Variants in SBF2 observed in about 807,000 individuals in gnomAD.
SBF2 encodes the protein myotubularin-related protein 13.
Under a neutral mutation model 225.2 loss-of-function variants are expected in SBF2, and 112 were observed. The ratio of observed to expected loss-of-function variants is 0.50; its 90% CI spans 0.43 to 0.58. The LOEUF (loss-of-function observed/expected upper bound fraction) is 0.58, where lower values mean the gene tolerates loss of function less well. Among genes scored for constraint, SBF2 ranks in the 20% least tolerant of loss-of-function variants. The pLI is 0.00. For synonymous variants in SBF2, 763 were observed against 773.3 expected (o/e 0.99, Z 0.22); for missense variants, 1,996 against 2,206.2 (o/e 0.90, Z 1.91).
rs1353895376 is a variant in SBF2 at position 9,779,127 on chromosome 11, T to TTAATC, written c.*1286_*1290dup. 1.3e-5 allele frequency: 2 copies of TTAATC among 152,660 alleles called. No homozygotes were observed. Among genetic ancestry groups the TTAATC allele is most frequent in the Non-Finnish European group, 2.9e-5 (2 of 68,046 alleles). The allele number at this position is 152,660 out of a possible 1,614,324, so 9.5% of individuals were successfully genotyped here. A position where few individuals can be genotyped will look rare whatever the true frequency, so the allele number is the denominator to read the frequency against. On this transcript the variant is annotated 3_prime_UTR_variant, in exon 40 of 40. Coordinates refer to ENST00000256190, the MANE Select transcript of SBF2 (RefSeq NM_030962.4). The stretch of plus-strand genomic sequence containing the variant: ...TTAAATTTGAAATTCTGATTTATTT[T>TTAATC]TAATCTACAAAGTATTTTTATTTTT...
Position 10,043,516 on chromosome 11 carries a change from A to T in SBF2, c.142-535T>A, listed in dbSNP as rs562847238. On this transcript the variant is annotated intron_variant, in intron 2 of 39. Coordinates refer to ENST00000256190, the MANE Select transcript of SBF2 (RefSeq NM_030962.4). Reference sequence around the variant, plus strand: ...TGCTGTTAGACCATGACAGAATTAAACTAGAAATCAATAACAGGCAGATAG... The same window carrying T: ...TGCTGTTAGACCATGACAGAATTAATCTAGAAATCAATAACAGGCAGATAG... 3.3e-5 allele frequency among the ~76,000 whole-genome samples: 5 copies of T among 152,322 alleles called. No homozygotes were observed. The South Asian group carries it at 1.0e-3, about 32-fold the overall frequency.
intron 2 of SBF2, among the ~76,000 whole-genome samples, chr11:10,190,909 T>C (rs185868875): frequency 6.6e-6 from 1 of 152,298 alleles, no homozygotes; most frequent in Non-Finnish European, 1.5e-5. Flanking sequence ...CCTAGAAATC[T>C]CTCAGATCTT....
intron 16 of SBF2, among the ~76,000 whole-genome samples, chr11:9,917,145 T>G (rs1863167654): frequency 6.6e-6 from 1 of 151,836 alleles, no homozygotes; most frequent in Admixed American, 6.6e-5. Flanking sequence ...AAATATCTTG[T>G]GATAAATCCT....
At chr11:10,108,515 C>CTTTTTTTTTTTT (rs34189666) in intron 2 of SBF2, among the ~76,000 whole-genome samples, 1 of 83,462 alleles carries the variant, frequency 1.2e-5, no homozygotes, top group Non-Finnish European at 2.2e-5. Context: ...TAATAGTTAA[C>CTTTTTTTTTTTT]TTTTTTTTTT....
Position 9,998,394 on chromosome 11 carries a change from A to G in SBF2, c.862-15T>C, listed in dbSNP as rs760825772. On this transcript the variant is annotated splice_polypyrimidine_tract_variant and intron_variant, in intron 8 of 39. Coordinates refer to ENST00000256190, the MANE Select transcript of SBF2 (RefSeq NM_030962.4). ...ATTACATCTAACTGAAAGAGATAAA[A>G]AAATTAACCTATAATTACCAAAATA... 9 of 1,378,880 alleles carry G rather than the reference A, an allele frequency of 6.5e-6. No individual in the cohort carries two copies. The Admixed American group carries it at 1.6e-4, about 24-fold the overall frequency. 85.4% of individuals were successfully genotyped at this position (1,378,880 alleles called of 1,614,324 possible).
At chr11:10,214,286 C>A (rs185805189) in intron 1 of SBF2, among the ~76,000 whole-genome samples, 2 of 152,116 alleles carry the variant, frequency 1.3e-5, no homozygotes, top group African/African-American at 2.4e-5. Flanking sequence ...AGCAAAATCA[C>A]CCCAGGTTGA....
chr11:9,844,200 G>C (rs1590205043), intron 24 of SBF2, among the ~76,000 whole-genome samples: 1 of 152,288 alleles, frequency 6.6e-6, no homozygotes, highest in Middle Eastern at 3.4e-3. Flanking sequence ...CTAGGAACTT[G>C]CTCATGCTTC....
chr11:9,817,653 C>T (rs910686606), intron 28 of SBF2, among the ~76,000 whole-genome samples: 2 of 148,988 alleles, frequency 1.3e-5, no homozygotes, highest in African/African-American at 2.5e-5. Flanking sequence ...GCCTGTAATA[C>T]TAGCACTTTG....
At chr11:10,251,164 T>C (rs1384090252) in intron 1 of SBF2, among the ~76,000 whole-genome samples, 1 of 152,214 alleles carries the variant, frequency 6.6e-6, no homozygotes, top group Non-Finnish European at 1.5e-5. Context: ...GAAGGCCCGA[T>C]GTAGATGCGA....
At chr11:9,866,836 CA>C (rs1436877288) in intron 17 of SBF2, among the ~76,000 whole-genome samples, 2 of 152,042 alleles carry the variant, frequency 1.3e-5, no homozygotes, top group African/African-American at 4.8e-5. Flanking sequence ...TCCATCCATC[CA>C]ACAAGGGATT....
chr11:10,033,588 T>C (rs1417453196), intron 3 of SBF2, among the ~76,000 whole-genome samples: 1 of 152,104 alleles, frequency 6.6e-6, no homozygotes, highest in Admixed American at 6.5e-5. Context: ...ATCTCTCCTA[T>C]AAGAATGCAA....
At chr11:10,298,134 T>C (rs113054673), upstream of SBF2, among the ~76,000 whole-genome samples, 2 of 152,350 alleles carry the variant, frequency 1.3e-5, no homozygotes, top group African/African-American at 4.8e-5. Flanking sequence ...CTCACACCTG[T>C]AATCCCAGCA....
chr11:10,049,680 C>T (rs960039676), intron 2 of SBF2, among the ~76,000 whole-genome samples: 1 of 151,920 alleles, frequency 6.6e-6, no homozygotes, highest in Admixed American at 6.6e-5. Flanking sequence ...TTTTAGAATT[C>T]TCAATAATTT....
chr11:9,999,523 T>G (rs1247078307), intron 8 of SBF2, among the ~76,000 whole-genome samples: 1 of 152,114 alleles, frequency 6.6e-6, no homozygotes, highest in African/African-American at 2.4e-5. Flanking sequence ...GGTTTCTCCA[T>G]GTTGGCCAGG....
At chr11:10,040,381 G>A (rs1301108646) in intron 3 of SBF2, among the ~76,000 whole-genome samples, 10 of 151,984 alleles carry the variant, frequency 6.6e-5, no homozygotes, top group African/African-American at 2.4e-4. Flanking sequence ...CTAACAATGA[G>A]AGATACTGGA....
At chr11:10,106,310 A>G (rs1387772990) in intron 2 of SBF2, among the ~76,000 whole-genome samples, 1 of 152,148 alleles carries the variant, frequency 6.6e-6, no homozygotes. Context: ...GGGGTAAGGC[A>G]ATAATCCTTT....
intron 2 of SBF2, among the ~76,000 whole-genome samples, chr11:10,167,623 T>C (rs11607830): frequency 0.028 from 4,226 of 152,114 alleles, 79 homozygotes; most frequent in Middle Eastern, 0.078. Flanking sequence ...CTTGGTAATA[T>C]AGGAAATATG....
At chr11:10,279,105 TTAAAAAAA>T (rs1226361915) in intron 1 of SBF2, among the ~76,000 whole-genome samples, 2 of 77,638 alleles carry the variant, frequency 2.6e-5, no homozygotes, top group Non-Finnish European at 5.1e-5. Context: ...CGGTCTTGTA[TTAAAAAAA>T]AAAAAAAAAA....
chr11:10,180,825 C>T (rs537116727), intron 2 of SBF2, among the ~76,000 whole-genome samples: 2 of 152,208 alleles, frequency 1.3e-5, no homozygotes, highest in Admixed American at 6.5e-5. Flanking sequence ...AATTCTGCTG[C>T]TGTTAAGAGA....
Sources: gnomAD v4.1 joint callset for allele counts (sites outside exome capture counted in the v4.1 genomes callset) on GRCh38, gnomAD v4.1.1 for gene constraint, MANE v1.5 for transcripts, NCBI Gene and HGNC (gene_info 2026-07-23, HGNC 2026-07-21) for gene names.